CDK5RAP2: variants seen among roughly 807,000 people sequenced by gnomAD.
CDK5RAP2 encodes the protein CDK5 regulatory subunit associated protein 2, also known as CDK5 regulatory subunit-associated protein 2.
Under a neutral mutation model 232.9 loss-of-function variants are expected in CDK5RAP2, and 147 were observed. The ratio of observed to expected loss-of-function variants is 0.63; its 90% CI spans 0.55 to 0.72. The LOEUF is 0.72. Among genes scored for constraint, CDK5RAP2 ranks in the 30% least tolerant of loss-of-function variants. CDK5RAP2 has a pLI of 0.00. For missense variants in CDK5RAP2, 2,195 were observed against 2,231.5 expected, an observed-to-expected ratio of 0.98 and a Z score of 0.33; for synonymous variants, 833 against 833.7, an observed-to-expected ratio of 1.00 and a Z score of 0.01.
Position 120,453,511 on chromosome 9 carries a change from T to A in CDK5RAP2, c.2738A>T (p.His913Leu). ...LSAEHRPENL[H>L]GVPGWQAALL... ...GGCAGCCTGCCACCCAGGCACCCCG[T>A]GCAGGTTCTCTGGCCGATGCTCTGC... Residue 913 changes from histidine (H) to leucine (L), a missense_variant, in exon 21 of 38, where the codon CAC becomes CTC. Physicochemically the swap from His to Leu is moderately conservative, Grantham distance 99. Transcript: ENST00000349780. 6.2e-7 allele frequency: 1 copy of A among 1,613,938 alleles called. No individual in the cohort carries two copies. Among genetic ancestry groups the A allele is most frequent in the Non-Finnish European group, 8.5e-7 (1 of 1,180,008 alleles).
At chr9:120,416,544 G>T (rs2034232598) in intron 27 of CDK5RAP2, among the ~76,000 whole-genome samples, 1 of 152,090 alleles carries the variant, frequency 6.6e-6, no homozygotes, top group African/African-American at 2.4e-5. Context: ...GCAGATTTTA[G>T]ATTTTTCAAA....
chr9:120,443,850 T>C lies in CDK5RAP2; in HGVS notation c.3026-108A>G, dbSNP rs192717052. ...GATACAACAGGGAAAATAAAAACAC[T>C]GGGGAGGCAAAATGCAATTTATAAG... On this transcript the variant is annotated intron_variant, in intron 22 of 37. Transcript: ENST00000349780. The C allele has an allele frequency of 7.9e-5, 114 of 1,442,976 alleles. 1 individual carries two copies. In the East Asian group the frequency reaches 1.1e-3, roughly 13 times the overall value. 89.4% of individuals were successfully genotyped at this position (1,442,976 alleles called of 1,614,324 possible).
intron 1 of CDK5RAP2, among the ~76,000 whole-genome samples, chr9:120,577,645 A>G (rs1213191187): frequency 6.6e-6 from 1 of 152,236 alleles, no homozygotes; most frequent in Non-Finnish European, 1.5e-5. Context: ...TCTGTTGAGT[A>G]GTTACTCTGG....
chr9:120,443,387 C>T (rs1474326607), intron 23 of CDK5RAP2, among the ~76,000 whole-genome samples: 1 of 152,234 alleles, frequency 6.6e-6, no homozygotes, highest in African/African-American at 2.4e-5. Flanking sequence ...CATGCTGACA[C>T]ATGGACGGGT....
chr9:120,462,420 C>T (rs913929038), intron 18 of CDK5RAP2, among the ~76,000 whole-genome samples: 1 of 150,756 alleles, frequency 6.6e-6, no homozygotes. Flanking sequence ...AGGAATTCTA[C>T]TCATAGGTAC....
intron 25 of CDK5RAP2, among the ~76,000 whole-genome samples, chr9:120,430,676 A>G (rs1383367323): frequency 1.3e-5 from 2 of 150,498 alleles, no homozygotes; most frequent in Non-Finnish European, 3.0e-5. Context: ...ACTGTAAACT[A>G]GTTCAACCAT....
intron 29 of CDK5RAP2, among the ~76,000 whole-genome samples, chr9:120,409,698 T>C (rs1183674282): frequency 6.6e-6 from 1 of 152,238 alleles, no homozygotes; most frequent in Non-Finnish European, 1.5e-5. Flanking sequence ...GGCAGGGCTG[T>C]GCAGATGGCA....
chr9:120,461,113 T>A (rs1382143788), intron 18 of CDK5RAP2, among the ~76,000 whole-genome samples: 4 of 152,254 alleles, frequency 2.6e-5, no homozygotes, highest in Admixed American at 2.0e-4. Context: ...ATTTATGGTG[T>A]GCCCAATTTA....
intron 23 of CDK5RAP2, among the ~76,000 whole-genome samples, chr9:120,441,411 C>CA (rs1173220554): frequency 6.6e-6 from 1 of 151,892 alleles, no homozygotes; most frequent in Non-Finnish European, 1.5e-5. Context: ...TTATATGGAA[C>CA]AAAATCTGCA....
chr9:120,511,844 TCTC>T (rs1263850773), intron 12 of CDK5RAP2, among the ~76,000 whole-genome samples: 2 of 151,802 alleles, frequency 1.3e-5, no homozygotes, highest in African/African-American at 4.8e-5. Context: ...TTCACGTGAT[TCTC>T]CTGCCTCAGC....
At chr9:120,560,339 G>A (rs1228375097) in intron 3 of CDK5RAP2, among the ~76,000 whole-genome samples, 4 of 152,188 alleles carry the variant, frequency 2.6e-5, no homozygotes, top group Non-Finnish European at 4.4e-5. Flanking sequence ...ACAGGATAGC[G>A]TTAAAAATCA....
chr9:120,554,634 T>TG (rs535442841), intron 3 of CDK5RAP2, among the ~76,000 whole-genome samples: 1,595 of 152,204 alleles, frequency 0.01, 18 homozygotes, highest in Non-Finnish European at 0.015. Context: ...TTTTGTTTTT[T>TG]TTGTTGTTGT....
intron 23 of CDK5RAP2, among the ~76,000 whole-genome samples, chr9:120,441,726 AT>A (rs1287519824): frequency 6.6e-6 from 1 of 152,242 alleles, no homozygotes; most frequent in Non-Finnish European, 1.5e-5. Flanking sequence ...TGCAAATACC[AT>A]AAAGTATGGC....
At chr9:120,575,146 T>C (rs1044587441) in intron 1 of CDK5RAP2, among the ~76,000 whole-genome samples, 2 of 152,030 alleles carry the variant, frequency 1.3e-5, no homozygotes, top group Admixed American at 6.6e-5. Flanking sequence ...CCACCTTCCA[T>C]ATTCAAGCGA....
intron 35 of CDK5RAP2, among the ~76,000 whole-genome samples, chr9:120,395,226 C>A (rs991198988): frequency 6.6e-6 from 1 of 152,216 alleles, no homozygotes; most frequent in Non-Finnish European, 1.5e-5. Flanking sequence ...TGAATATAAA[C>A]GCCCACATCC....
intron 23 of CDK5RAP2, among the ~76,000 whole-genome samples, chr9:120,441,165 T>C (rs532121487): frequency 4.1e-4 from 62 of 152,340 alleles, no homozygotes; most frequent in Non-Finnish European, 8.7e-4. Flanking sequence ...TTAACCACTG[T>C]GCCACACTGC....
At chr9:120,437,268 A>T in intron 25 of CDK5RAP2, 27 bp downstream of exon 25, 3 of 1,524,682 alleles carry the variant, frequency 2.0e-6, no homozygotes, top group Middle Eastern at 1.7e-4. Flanking sequence ...CTGATGTCTT[A>T]AGACTCGCGT....
intron 12 of CDK5RAP2, 29 bp downstream of exon 12, chr9:120,518,398 C>T (rs372908878): frequency 1.9e-6 from 3 of 1,587,900 alleles, no homozygotes; most frequent in Non-Finnish European, 2.6e-6. Context: ...GCACTGTCCA[C>T]TGTGTCAGAA....
chr9:120,471,190 T>C (rs531451015), intron 16 of CDK5RAP2, among the ~76,000 whole-genome samples: 2 of 152,292 alleles, frequency 1.3e-5, no homozygotes, highest in South Asian at 2.1e-4. Flanking sequence ...GGGAATCAGA[T>C]ACCAACCCAA....
Sources: allele counts gnomAD v4.1 joint callset (sites outside exome capture counted in the v4.1 genomes callset), GRCh38; gene constraint gnomAD v4.1.1; transcripts MANE v1.5; gene names NCBI Gene and HGNC (gene_info 2026-07-23, HGNC 2026-07-21).